MTREX: variants seen among roughly 807,000 people sequenced by gnomAD.
MTREX encodes the protein exosome RNA helicase MTR4.
Under a neutral mutation model 135.4 loss-of-function variants are expected in MTREX, and 76 were observed. The ratio of observed to expected loss-of-function variants is 0.56; its 90% CI spans 0.47 to 0.68. MTREX has a LOEUF of 0.68. Among genes scored for constraint, MTREX ranks in the 30% least tolerant of loss-of-function variants. The pLI, the probability that MTREX is intolerant of heterozygous loss-of-function variation, is 0.00. For synonymous variants in MTREX, 404 were observed against 401.6 expected (o/e 1.01, Z -0.07); for missense variants, 920 against 1,262.1 (o/e 0.73, Z 4.11).
intron 18 of MTREX, among the ~76,000 whole-genome samples, chr5:55,386,008 G>A (rs544795245): frequency 1.1e-4 from 16 of 152,040 alleles, no homozygotes; most frequent in Non-Finnish European, 1.8e-4. Flanking sequence ...ACCTGAATTT[G>A]TTCACTAAAA....
intron 20 of MTREX, 147 bp from the exon 21 acceptor site, chr5:55,400,086 C>A (rs1750700893): frequency 2.0e-6 from 1 of 505,840 alleles, no homozygotes. Context: ...GAAAAATGCC[C>A]TATAATTTAA....
At chr5:55,410,677 GT>G in intron 23 of MTREX, 48 bp downstream of exon 23, 1 of 1,083,112 alleles carries the variant, frequency 9.2e-7, no homozygotes, top group South Asian at 1.4e-5. Flanking sequence ...CACACATCAT[GT>G]AGTTAATAGT....
Position 55,353,192 on chromosome 5 carries a change from G to T in MTREX, c.1456G>T (p.Ala486Ser), listed in dbSNP as rs1311226205. Reference protein sequence around the residue: ...IKALFATETFAMGINMPARTV... With the variant: ...IKALFATETFSMGINMPARTV... ...GGCCTTATTTGCCACGGAGACCTTT[G>T]CTATGGGAATTAACATGCCAGCTAG... Residue 486 changes from alanine (A) to serine (S), a missense_variant, in exon 14 of 27, where the codon GCT becomes TCT. This residue lies in a region of MTREX where 46 missense variants were observed against 116.8 expected (regional missense o/e 0.39). Coordinates refer to ENST00000230640, the MANE Select transcript of MTREX (RefSeq NM_015360.5). The T allele has an allele frequency of 6.2e-7, 1 of 1,607,166 alleles. No homozygotes were observed.
At chr5:55,361,991 A>G (rs980014074) in intron 15 of MTREX, among the ~76,000 whole-genome samples, 1 of 150,982 alleles carries the variant, frequency 6.6e-6, no homozygotes, top group Admixed American at 6.6e-5. Flanking sequence ...GTCTCGGCTC[A>G]CTGCAACCTT....
rs546404430 is a variant in MTREX, at chr5:55,346,577, C to T, written c.1109-436C>T. ...TAATGTGGTTTCAGTTTACATTTCC[C>T]TGGTGGCTAATGATGTTGAACATTT... is the stretch of plus-strand genomic sequence containing the variant. On this transcript the variant is annotated intron_variant, in intron 10 of 26. Coordinates refer to ENST00000230640, the MANE Select transcript of MTREX (RefSeq NM_015360.5). Among the ~76,000 whole-genome samples, 54 of 152,270 alleles carry T rather than the reference C, an allele frequency of 3.5e-4. 1 individual carries two copies. The South Asian group carries it at 6.4e-3, about 18-fold the overall frequency.
intron 12 of MTREX, 42 bp from the exon 13 acceptor site, chr5:55,350,877 T>C (rs1749816096): frequency 1.4e-6 from 2 of 1,434,968 alleles, no homozygotes; most frequent in Non-Finnish European, 1.9e-6. Context: ...AAAAATCCTT[T>C]TCTCACATCA....
chr5:55,357,880 T>C (rs7715368), intron 14 of MTREX, among the ~76,000 whole-genome samples: 21,373 of 152,162 alleles, frequency 0.14, 1,895 homozygotes, highest in East Asian at 0.26. Flanking sequence ...TGGTGACAGA[T>C]GGACTCAACC....
At chr5:55,353,666 G>A (rs1355110246) in intron 14 of MTREX, among the ~76,000 whole-genome samples, 2 of 152,108 alleles carry the variant, frequency 1.3e-5, no homozygotes, top group African/African-American at 2.4e-5. Context: ...TTGCACCACT[G>A]TACTCGAGCC....
In MTREX at chr5:55,322,530, A is replaced by C. The variant is rs759883676; in HGVS notation, c.272+66A>C. 2.9e-5 allele frequency: 37 copies of C among 1,268,784 alleles called. 1 individual carries two copies. The highest frequency in any genetic ancestry group is 4.0e-5 in the Non-Finnish European group (37 of 928,084). 78.6% of individuals were successfully genotyped at this position (1,268,784 alleles called of 1,614,324 possible). A position where few individuals can be genotyped will look rare whatever the true frequency, so the allele number is the denominator to read the frequency against. The stretch of plus-strand genomic sequence containing the variant: ...CAGGTGGTTACATGAGGTTTTAAAA[A>C]TTGTCTCCATGTTGCTACTTAGATA... On this transcript the variant is annotated intron_variant, in intron 2 of 26. Transcript: ENST00000230640.
intron 13 of MTREX, among the ~76,000 whole-genome samples, chr5:55,351,980 C>T (rs1191285125): frequency 6.6e-6 from 1 of 151,800 alleles, no homozygotes; most frequent in Admixed American, 6.6e-5. Context: ...TACCACCATC[C>T]CCAACTAATT....
chr5:55,399,757 G>C (rs1345573066), intron 20 of MTREX, among the ~76,000 whole-genome samples: 1 of 152,140 alleles, frequency 6.6e-6, no homozygotes, highest in Non-Finnish European at 1.5e-5. Context: ...AAAGTGCTGG[G>C]ATTACAGGCG....
In MTREX at chr5:55,344,617, A is replaced by C. The variant is rs774405064; in HGVS notation, c.1002A>C (p.Glu334Asp). Residue 334 changes from glutamate to aspartate, a missense_variant, in exon 9 of 27, where the codon GAA becomes GAC. Around this residue, in one of 6 missense-constraint regions of MTREX, gnomAD observed 88 missense variants for 202.5 expected, o/e 0.43. Coordinates refer to ENST00000230640, the MANE Select transcript of MTREX (RefSeq NM_015360.5). ...GGDGLHLVVD[E>D]NGDFREDNFN... ...ATGGCCTGCATCTTGTGGTTGATGA[A>C]AATGTAAGAGAGTAATTGTCCTTTT... 1.3e-6 allele frequency: 2 copies of C among 1,572,982 alleles called. No individual in the cohort carries two copies. The highest frequency in any genetic ancestry group is 1.7e-6 in the Non-Finnish European group (2 of 1,144,946).
At position 55,425,004 on chromosome 5, in the gene MTREX, T is replaced by G. The variant is rs1751132944; in HGVS notation, c.*232T>G. 2 of 754,146 alleles carry G rather than the reference T, an allele frequency of 2.7e-6. No individual in the cohort carries two copies. 46.7% of individuals were successfully genotyped at this position (754,146 alleles called of 1,614,324 possible). A position where few individuals can be genotyped will look rare whatever the true frequency, so the allele number is the denominator to read the frequency against. On this transcript the variant is annotated 3_prime_UTR_variant, in exon 27 of 27. Coordinates refer to ENST00000230640, the MANE Select transcript of MTREX (RefSeq NM_015360.5). Reference sequence around the variant, plus strand: ...CACTGTTTTGGTGGAAGGCTTGGAGTTTTTTTAATGAGTTTAGAGCTATTA... The same window carrying G: ...CACTGTTTTGGTGGAAGGCTTGGAGGTTTTTTAATGAGTTTAGAGCTATTA...
rs748121404 is a variant in MTREX at position 55,425,295 on chromosome 5, A to T, written c.*523A>T. On this transcript the variant is annotated 3_prime_UTR_variant, in exon 27 of 27. Transcript: ENST00000230640. ...GAGTCCTCCTCTTTTCTTTCTTTAA[A>T]AGAAGTTCTTTCTTTGAAGAAATCC... 6.2e-7 allele frequency: 1 copy of T among 1,610,400 alleles called. No individual in the cohort carries two copies. The highest frequency in any genetic ancestry group is 1.1e-5 in the South Asian group (1 of 90,916).
intron 5 of MTREX, among the ~76,000 whole-genome samples, chr5:55,338,851 C>T (rs908609651): frequency 1.5e-5 from 2 of 131,568 alleles, no homozygotes; most frequent in Non-Finnish European, 1.5e-5. Context: ...AGTACAATGA[C>T]GTGATGTTGG....
chr5:55,344,044 C>T (rs1280787136), intron 8 of MTREX, among the ~76,000 whole-genome samples: 4 of 152,056 alleles, frequency 2.6e-5, no homozygotes, highest in South Asian at 2.1e-4. Flanking sequence ...GCTCCCTGAT[C>T]GTGTTTTTAT....
At chr5:55,391,261 G>A (rs1375427876) in intron 19 of MTREX, among the ~76,000 whole-genome samples, 1 of 151,932 alleles carries the variant, frequency 6.6e-6, no homozygotes, top group Non-Finnish European at 1.5e-5. Context: ...GGGCAACATA[G>A]TGAAACCCTG....
At chr5:55,341,020 T>C (rs996882412) in intron 6 of MTREX, among the ~76,000 whole-genome samples, 1 of 152,252 alleles carries the variant, frequency 6.6e-6, no homozygotes, top group Non-Finnish European at 1.5e-5. Context: ...CATACTTTAA[T>C]TATATCTTTG....
intron 16 of MTREX, among the ~76,000 whole-genome samples, chr5:55,368,099 C>T (rs764631527): frequency 6.6e-6 from 1 of 152,150 alleles, no homozygotes; most frequent in African/African-American, 2.4e-5. Flanking sequence ...ATTTACCTTA[C>T]GCCTAGCCTT....
Sources: allele counts gnomAD v4.1 joint callset (sites outside exome capture counted in the v4.1 genomes callset), GRCh38; gene constraint gnomAD v4.1.1; regional missense constraint gnomAD v4.1.1; transcripts MANE v1.5; gene names NCBI Gene and HGNC (gene_info 2026-07-23, HGNC 2026-07-21).